CNTN3: variants seen among roughly 807,000 people sequenced by gnomAD.
CNTN3 encodes the protein contactin-3.
Under a neutral mutation model 119.1 loss-of-function variants are expected in CNTN3, and 60 were observed. That is an observed-to-expected ratio of 0.50 (90% CI 0.41 to 0.62). The LOEUF (loss-of-function observed/expected upper bound fraction) is 0.62, where lower values mean the gene tolerates loss of function less well. Among genes scored for constraint, CNTN3 ranks in the 20% least tolerant of loss-of-function variants. CNTN3 has a pLI of 0.00. For missense variants in CNTN3, 1,101 were observed against 1,242.4 expected (o/e 0.89, Z 1.71); for synonymous variants, 450 against 438.7 (o/e 1.03, Z -0.32).
chr3:74,316,927 CAAA>C (rs144929614), intron 13 of CNTN3, among the ~76,000 whole-genome samples: 7 of 128,812 alleles, frequency 5.4e-5, no homozygotes, highest in Admixed American at 7.8e-5. Context: ...GACTCCATCT[CAAA>C]AAAAAAAAAA....
chr3:74,560,773 C>A (rs903019863), intron 1 of CNTN3, among the ~76,000 whole-genome samples: 1 of 151,904 alleles, frequency 6.6e-6, no homozygotes, highest in African/African-American at 2.4e-5. Context: ...TGGAATCAAC[C>A]CAAATATCCA....
At chr3:74,491,191 T>C (rs577910487) in intron 3 of CNTN3, among the ~76,000 whole-genome samples, 2 of 152,282 alleles carry the variant, frequency 1.3e-5, no homozygotes, top group Non-Finnish European at 2.9e-5. Flanking sequence ...GTCTAGTATT[T>C]TCATTCATGT....
At chr3:74,441,256 C>A (rs1701961553) in intron 4 of CNTN3, among the ~76,000 whole-genome samples, 2 of 152,040 alleles carry the variant, frequency 1.3e-5, no homozygotes, top group Admixed American at 1.3e-4. Context: ...CATTTTAACA[C>A]TATACCCCAA....
intron 4 of CNTN3, among the ~76,000 whole-genome samples, chr3:74,479,361 A>T (rs1190520155): frequency 6.6e-6 from 1 of 152,116 alleles, no homozygotes; most frequent in Admixed American, 6.6e-5. Context: ...GGGCAAAGAG[A>T]ATACCTAGAA....
chr3:74,557,979 C>A (rs1354636926), intron 1 of CNTN3, among the ~76,000 whole-genome samples: 1 of 152,130 alleles, frequency 6.6e-6, no homozygotes, highest in African/African-American at 2.4e-5. Flanking sequence ...AATAGTTCCC[C>A]TTCAGAATGA....
intron 3 of CNTN3, among the ~76,000 whole-genome samples, chr3:74,491,832 G>A (rs940044466): frequency 6.6e-6 from 1 of 152,114 alleles, no homozygotes; most frequent in African/African-American, 2.4e-5. Flanking sequence ...GGAACTCTAA[G>A]TATCAGAATG....
intron 2 of CNTN3, among the ~76,000 whole-genome samples, chr3:74,517,806 C>T (rs890107684): frequency 6.6e-6 from 1 of 151,840 alleles, no homozygotes; most frequent in African/African-American, 2.4e-5. Context: ...ATCCTTAAAC[C>T]TTCTCCTCTG....
chr3:74,365,590 T>G lies in CNTN3; in HGVS notation c.1059A>C (p.Lys353Asn). 1 of 1,613,482 alleles carries G rather than the reference T, an allele frequency of 6.2e-7. No individual in the cohort carries two copies. The highest frequency in any genetic ancestry group is 8.5e-7 in the Non-Finnish European group (1 of 1,179,530). The change falls in exon 9 of 23, where the codon AAA becomes AAC. Residue 353 changes from lysine (K) to asparagine (N), a missense_variant. Physicochemically the swap from Lys to Asn is moderately conservative, Grantham distance 94. Coordinates refer to ENST00000263665, the MANE Select transcript of CNTN3 (RefSeq NM_020872.3). ...GKPKPSYRWL[K>N]NGAALVLEER... ...CCTCTAGCACCAGGGCTGCTCCATT[T>G]TTCAGCCATCGGTAGGAAGGCTTGG... is the stretch of plus-strand genomic sequence containing the variant.
chr3:74,335,226 T>C (rs1213362122), intron 12 of CNTN3, among the ~76,000 whole-genome samples: 1 of 152,034 alleles, frequency 6.6e-6, no homozygotes, highest in Non-Finnish European at 1.5e-5. Context: ...TTAGTTTTAT[T>C]GTTTTTTGAA....
chr3:74,272,071 C>A (rs187225456), intron 20 of CNTN3, among the ~76,000 whole-genome samples: 1 of 152,254 alleles, frequency 6.6e-6, no homozygotes, highest in East Asian at 1.9e-4. Flanking sequence ...AGAACACTTA[C>A]AATTGTCTAG....
chr3:74,447,182 C>A (rs1379649394), intron 4 of CNTN3, among the ~76,000 whole-genome samples: 4 of 152,098 alleles, frequency 2.6e-5, no homozygotes, highest in Non-Finnish European at 4.4e-5. Context: ...TAGGCTTGAA[C>A]AGTAAGGAGA....
rs532112272 is a variant in CNTN3, at chr3:74,290,817, G to C, written c.2517+4304C>G. Among the ~76,000 whole-genome samples the C allele has an allele frequency of 1.9e-3, 289 of 152,044 alleles. 1 individual carries two copies. The highest frequency in any genetic ancestry group is 3.4e-3 in the Non-Finnish European group (233 of 67,868). On this transcript the variant is annotated intron_variant, in intron 19 of 22. Transcript: ENST00000263665. ...TGCCATTCTCCTGCCTCAGCCTCCT[G>C]AGTAGATGGGACTACAGGCACCTGC... is the stretch of plus-strand genomic sequence containing the variant.
chr3:74,563,664 C>T (rs1704186298), intron 1 of CNTN3, among the ~76,000 whole-genome samples: 1 of 152,096 alleles, frequency 6.6e-6, no homozygotes, highest in East Asian at 1.9e-4. Flanking sequence ...AAAGGAAATG[C>T]ACCTACCCCA....
chr3:74,267,364 G>T lies in CNTN3; in HGVS notation c.2719C>A (p.Pro907Thr). 1.2e-6 allele frequency: 2 copies of T among 1,612,102 alleles called. No homozygotes were observed. Among genetic ancestry groups the T allele is most frequent in the Non-Finnish European group, 1.7e-6 (2 of 1,178,530 alleles). Reference protein sequence around the residue: ...TTKKTPPSQPPGNVVWNATDT... With the variant: ...TTKKTPPSQPTGNVVWNATDT... ...GTGGCATTCCAAACAACATTTCCTG[G>T]TGGCTGACTGGGAGCTTGAAATGCA... is the stretch of plus-strand genomic sequence containing the variant. The change falls in exon 21 of 23, where the codon CCA becomes ACA. Residue 907 changes from proline (P) to threonine (T), a missense_variant. Physicochemically the swap from Pro to Thr is conservative, Grantham distance 38. Coordinates refer to ENST00000263665, the MANE Select transcript of CNTN3 (RefSeq NM_020872.3).
chr3:74,481,914 A>AT (rs940595225), intron 4 of CNTN3, among the ~76,000 whole-genome samples: 49 of 151,938 alleles, frequency 3.2e-4, no homozygotes, highest in Middle Eastern at 7.0e-3. Context: ...CTTTTGAAAC[A>AT]TTTTTTACTA....
intron 1 of CNTN3, among the ~76,000 whole-genome samples, chr3:74,563,666 C>T (rs532596607): frequency 4.1e-4 from 62 of 152,204 alleles, no homozygotes; most frequent in Non-Finnish European, 7.8e-4. Context: ...AGGAAATGCA[C>T]CTACCCCAGA....
At chr3:74,341,438 A>G (rs892010088) in intron 11 of CNTN3, among the ~76,000 whole-genome samples, 13 of 152,204 alleles carry the variant, frequency 8.5e-5, no homozygotes, top group African/African-American at 3.1e-4. Context: ...ACGTTAAAAA[A>G]CAATTTATGA....
intron 4 of CNTN3, among the ~76,000 whole-genome samples, chr3:74,467,987 C>T (rs7429592): frequency 0.7 from 107,185 of 152,076 alleles, 38,098 homozygotes; most frequent in African/African-American, 0.79. Flanking sequence ...GGCATTATAT[C>T]GGAACAAAAG....
chr3:74,297,045 G>A (rs1455175449), intron 18 of CNTN3, among the ~76,000 whole-genome samples: 1 of 152,064 alleles, frequency 6.6e-6, no homozygotes, highest in Non-Finnish European at 1.5e-5. Flanking sequence ...AACAGAACGG[G>A]TCCAGAGTGA....
Sources: gnomAD v4.1 joint callset for allele counts (sites outside exome capture counted in the v4.1 genomes callset) on GRCh38, gnomAD v4.1.1 for gene constraint, MANE v1.5 for transcripts, NCBI Gene and HGNC (gene_info 2026-07-23, HGNC 2026-07-21) for gene names.